Variants in SMAD6 observed in about 807,000 individuals in gnomAD.
SMAD6 encodes the protein SMAD family member 6.
In SMAD6, 103 loss-of-function variants were observed where a neutral mutation model predicts 39.4. That is an observed-to-expected ratio of 2.62 (90% CI 2.23 to 3.08). The LOEUF (loss-of-function observed/expected upper bound fraction) is 3.08. Ranked by LOEUF, SMAD6 falls within the 30% of genes most tolerant of loss-of-function variation. SMAD6 has a pLI of 0.00. For synonymous variants in SMAD6, 445 were observed against 353.3 expected, an observed-to-expected ratio of 1.26 and a Z score of -2.91; for missense variants, 1,104 against 742.9, an observed-to-expected ratio of 1.49 and a Z score of -5.65.
At position 66,781,127 on chromosome 15, in the gene SMAD6, T is replaced by TCAC; in HGVS notation, c.1085_1086insCCA (p.Pro361_Gln362insHis). ...CCGTCAGCATCTTCTACGACCTACC[T>TCAC]CAGGGCAGCGGCTTCTGCCTGGGCC... is the stretch of plus-strand genomic sequence containing the variant. On this transcript the variant is annotated inframe_insertion, in exon 4 of 4. Transcript: ENST00000288840. 6.2e-7 allele frequency: 1 copy of TCAC among 1,608,798 alleles called. No homozygotes were observed. Among genetic ancestry groups the TCAC allele is most frequent in the Non-Finnish European group, 8.5e-7 (1 of 1,179,756 alleles).
rs12902065 is a variant in SMAD6, at chr15:66,704,825, C to G, written c.817+750C>G. 1,056 of 152,622 alleles carry G rather than the reference C, an allele frequency of 6.9e-3. 7 individuals carry two copies. Among genetic ancestry groups the G allele is most frequent in the Non-Finnish European group, 0.011 (747 of 68,244 alleles). 9.5% of individuals were successfully genotyped at this position (152,622 alleles called of 1,614,324 possible). A position where few individuals can be genotyped will look rare whatever the true frequency, so the allele number is the denominator to read the frequency against. Reference sequence around the variant, plus strand: ...CTGGATTACCTCTGAGAACTGCCCCCCTTCTTTGTTCTCCTCTTGGGATTT... The same window carrying G: ...CTGGATTACCTCTGAGAACTGCCCCGCTTCTTTGTTCTCCTCTTGGGATTT... On this transcript the variant is annotated intron_variant, in intron 1 of 3. Transcript: ENST00000288840.
At chr15:66,709,237 T>A (rs1468479635) in intron 1 of SMAD6, among the ~76,000 whole-genome samples, 1 of 152,254 alleles carries the variant, frequency 6.6e-6, no homozygotes, top group Non-Finnish European at 1.5e-5. Flanking sequence ...TGCATACTAT[T>A]TTGCCAGAGC....
At chr15:66,751,145 C>T (rs547428721) in intron 3 of SMAD6, among the ~76,000 whole-genome samples, 4 of 152,304 alleles carry the variant, frequency 2.6e-5, no homozygotes, top group Admixed American at 1.3e-4. Context: ...AGTAAAAGCA[C>T]TTTGCAAAAT....
intron 1 of SMAD6, among the ~76,000 whole-genome samples, chr15:66,709,290 C>T (rs1893181566): frequency 6.6e-6 from 1 of 152,234 alleles, no homozygotes; most frequent in East Asian, 1.9e-4. Context: ...GTTTGTAGTG[C>T]TCCACTAGCT....
In SMAD6 at chr15:66,702,437, A is replaced by AGGGGGGGCGACCT. The variant is rs2140578532; in HGVS notation, c.-821_-809dup. The AGGGGGGGCGACCT allele has an allele frequency of 3.3e-5, 1 of 30,264 alleles. No individual in the cohort carries two copies. The highest frequency in any genetic ancestry group is 7.1e-5 in the Non-Finnish European group (1 of 14,092). 1.9% of individuals were successfully genotyped at this position (30,264 alleles called of 1,614,324 possible). A position where few individuals can be genotyped will look rare whatever the true frequency, so the allele number is the denominator to read the frequency against. On this transcript the variant is annotated 5_prime_UTR_variant, in exon 1 of 4. An upstream open reading frame in the 5' UTR loses its in-frame stop. Transcript: ENST00000288840. ...CGGGAGGCACTTTTGTGGAGGGGGG[A>AGGGGGGGCGACCT]GGGGGGGCGACCTCGGCAGCCTCGG...
intron 3 of SMAD6, among the ~76,000 whole-genome samples, chr15:66,722,823 A>G (rs2469119): frequency 0.2 from 31,148 of 151,944 alleles, 3,462 homozygotes; most frequent in African/African-American, 0.3. Context: ...GGGGGAACAG[A>G]CAGCTGAAGG....
rs61441715 is a variant in SMAD6 at position 66,774,833 on chromosome 15, ATTTAT to A, written c.953-6125_953-6121del. ...CTCCCCAGGGGTAACCACTATTCTG[ATTTAT>A]TTTATTTTATTTTATTTTATTTTAT... On this transcript the variant is annotated intron_variant, in intron 3 of 3. Coordinates refer to ENST00000288840, the MANE Select transcript of SMAD6 (RefSeq NM_005585.5). 4.2e-3 allele frequency among the ~76,000 whole-genome samples: 613 copies of A among 146,180 alleles called. 2 individuals carry two copies. Among genetic ancestry groups the A allele is most frequent in the South Asian group, 0.019 (83 of 4,468 alleles).
At chr15:66,713,351 G>A (rs1297147848) in intron 2 of SMAD6, among the ~76,000 whole-genome samples, 3 of 152,188 alleles carry the variant, frequency 2.0e-5, no homozygotes, top group South Asian at 4.2e-4. Context: ...ATGGAGTCTC[G>A]CTCTGTCACC....
chr15:66,719,752 G>A (rs1272282239), intron 3 of SMAD6, among the ~76,000 whole-genome samples: 1 of 152,246 alleles, frequency 6.6e-6, no homozygotes, highest in Admixed American at 6.5e-5. Flanking sequence ...TGAGTGGGCA[G>A]GGCGAGGGGC....
intron 3 of SMAD6, among the ~76,000 whole-genome samples, chr15:66,766,751 C>T (rs983604454): frequency 2.6e-5 from 4 of 152,172 alleles, no homozygotes; most frequent in Non-Finnish European, 5.9e-5. Flanking sequence ...TGCAAACAGC[C>T]CTCCGGAGGG....
At chr15:66,727,322 C>T (rs190279244) in intron 3 of SMAD6, among the ~76,000 whole-genome samples, 1,700 of 152,138 alleles carry the variant, frequency 0.011, 15 homozygotes, top group Middle Eastern at 0.02. Flanking sequence ...AGGCTGGTCT[C>T]GAACTCCTGG....
intron 3 of SMAD6, among the ~76,000 whole-genome samples, chr15:66,730,406 T>A (rs1342424961): frequency 1.3e-5 from 2 of 152,218 alleles, no homozygotes; most frequent in Non-Finnish European, 2.9e-5. Flanking sequence ...TTCTGAACCT[T>A]CAGTGGCTTT....
intron 3 of SMAD6, among the ~76,000 whole-genome samples, chr15:66,735,412 G>T (rs1248598513): frequency 3.3e-5 from 5 of 152,190 alleles, no homozygotes; most frequent in African/African-American, 1.2e-4. Flanking sequence ...GGATGTAGGG[G>T]GAAATGATGT....
intron 3 of SMAD6, chr15:66,740,716 C>A (rs1233060265): frequency 6.6e-6 from 1 of 152,270 alleles, no homozygotes; most frequent in East Asian, 1.9e-4. Context: ...TTTATCCTGC[C>A]ATCTCCCCTT....
rs1488902638 is a variant in SMAD6, at chr15:66,730,600, A to C, written c.952+14102A>C. 2.3e-5 allele frequency among the ~76,000 whole-genome samples: 3 copies of C among 131,192 alleles called. No homozygotes were observed. In the East Asian group the frequency reaches 7.1e-4, roughly 31 times the overall value. The allele number at this position is 131,192 out of a possible 152,430, so 86.1% of individuals were successfully genotyped here. On this transcript the variant is annotated intron_variant, in intron 3 of 3. Coordinates refer to ENST00000288840, the MANE Select transcript of SMAD6 (RefSeq NM_005585.5). ...CCTCATGCAGGAGGACATGGTGTGG[A>C]GTCATTACCCATGAGTCAGTCCTGG...
chr15:66,708,319 A>G (rs990251645), intron 1 of SMAD6: 2 of 165,218 alleles, frequency 1.2e-5, no homozygotes, highest in Non-Finnish European at 2.7e-5. Context: ...GCCTGGTGGC[A>G]GCTCACAGTT....
At chr15:66,740,515 T>TGG (rs1672561298) in intron 3 of SMAD6, 1 of 152,214 alleles carries the variant, frequency 6.6e-6, no homozygotes, top group Admixed American at 6.5e-5. Flanking sequence ...TGTGTGACCT[T>TGG]GGGCAAATTC....
At chr15:66,777,793 C>G (rs1441549099) in intron 3 of SMAD6, among the ~76,000 whole-genome samples, 1 of 152,224 alleles carries the variant, frequency 6.6e-6, no homozygotes, top group Non-Finnish European at 1.5e-5. Flanking sequence ...GGAGCGCAGG[C>G]CTGATGATGT....
intron 1 of SMAD6, among the ~76,000 whole-genome samples, chr15:66,710,435 G>A (rs1006680832): frequency 1.3e-5 from 2 of 152,184 alleles, no homozygotes; most frequent in Admixed American, 6.5e-5. Context: ...GACTTTGTTG[G>A]AAGTAACTTT....
Sources: gnomAD v4.1 joint callset for allele counts (sites outside exome capture counted in the v4.1 genomes callset) on GRCh38, gnomAD v4.1.1 for gene constraint, MANE v1.5 for transcripts, NCBI Gene and HGNC (gene_info 2026-07-23, HGNC 2026-07-21) for gene names.